The following TMEFF2 variants were observed in gnomAD, a reference collection of about 807,000 sequenced individuals.
The protein encoded by TMEFF2 is transmembrane protein with EGF like and two follistatin like domains 2.
A neutral mutation model predicts 53.8 loss-of-function variants in TMEFF2; 28 were observed. That is an observed-to-expected ratio of 0.52 (90% CI 0.39 to 0.71). The LOEUF is 0.71. Among genes scored for constraint, TMEFF2 ranks in the 30% least tolerant of loss-of-function variants. The pLI is 0.00. For synonymous variants in TMEFF2, 162 were observed against 166.3 expected, an observed-to-expected ratio of 0.97 and a Z score of 0.20; for missense variants, 353 against 455.2, an observed-to-expected ratio of 0.78 and a Z score of 2.04.
intron 4 of TMEFF2, among the ~76,000 whole-genome samples, chr2:192,060,983 T>C (rs562662422): frequency 1.3e-4 from 20 of 152,280 alleles, no homozygotes; most frequent in African/African-American, 4.6e-4. Context: ...TTTAATCATT[T>C]TAGGGAGGTT....
chr2:192,092,241 C>A (rs1053966555), intron 4 of TMEFF2, among the ~76,000 whole-genome samples: 30 of 152,106 alleles, frequency 2.0e-4, no homozygotes, highest in Non-Finnish European at 3.5e-4. Flanking sequence ...TTTTATATTG[C>A]TACTCAGAAA....
At chr2:192,072,770 T>C (rs1218552467) in intron 4 of TMEFF2, among the ~76,000 whole-genome samples, 1 of 151,960 alleles carries the variant, frequency 6.6e-6, no homozygotes, top group African/African-American at 2.4e-5. Flanking sequence ...GCACTGGTAT[T>C]GACAGCATTT....
At chr2:192,006,092 A>G (rs890313481) in intron 5 of TMEFF2, among the ~76,000 whole-genome samples, 6 of 147,250 alleles carry the variant, frequency 4.1e-5, no homozygotes, top group Non-Finnish European at 6.0e-5. Flanking sequence ...ATAGTGGGCA[A>G]TCCTTTTAGT....
intron 5 of TMEFF2, among the ~76,000 whole-genome samples, chr2:192,034,436 G>A (rs987954695): frequency 3.3e-5 from 5 of 151,956 alleles, no homozygotes; most frequent in African/African-American, 1.2e-4. Flanking sequence ...AAAAAATCAC[G>A]AATATGTTGC....
chr2:191,980,490 A>C (rs537372768), intron 7 of TMEFF2, among the ~76,000 whole-genome samples: 1 of 152,298 alleles, frequency 6.6e-6, no homozygotes, highest in Non-Finnish European at 1.5e-5. Context: ...GAAAAACATG[A>C]AGCAAGAAGA....
intron 5 of TMEFF2, among the ~76,000 whole-genome samples, chr2:192,011,947 C>T (rs1020421442): frequency 4.6e-5 from 7 of 151,996 alleles, no homozygotes; most frequent in South Asian, 4.1e-4. Flanking sequence ...AGTGCAGTGG[C>T]GCAGTCTCCG....
chr2:192,002,500 T>C (rs115513682), intron 5 of TMEFF2, among the ~76,000 whole-genome samples: 6,427 of 151,608 alleles, frequency 0.042, 341 homozygotes, highest in African/African-American at 0.12. Context: ...TGTGAATAAG[T>C]GGAAGAAACT....
intron 4 of TMEFF2, among the ~76,000 whole-genome samples, chr2:192,157,782 T>TA (rs752781043): frequency 1.6e-3 from 250 of 152,164 alleles, no homozygotes; most frequent in Non-Finnish European, 2.8e-3. Flanking sequence ...TTTTAAGTGT[T>TA]AAAAAATCTT....
At chr2:192,072,706 C>T (rs2105917137) in intron 4 of TMEFF2, among the ~76,000 whole-genome samples, 1 of 151,932 alleles carries the variant, frequency 6.6e-6, no homozygotes, top group Non-Finnish European at 1.5e-5. Flanking sequence ...TACTCAAATG[C>T]TTTCTCTTTG....
At chr2:192,193,859 C>G (rs1233649298) in intron 1 of TMEFF2, among the ~76,000 whole-genome samples, 1 of 151,452 alleles carries the variant, frequency 6.6e-6, no homozygotes. Context: ...TGGTCTTCAA[C>G]GGGAGACCAG....
rs1199022371 is a variant in TMEFF2 at position 191,999,046 on chromosome 2, G to T, written c.685+14C>A. 2.5e-6 allele frequency: 4 copies of T among 1,582,292 alleles called. No individual in the cohort carries two copies. The Admixed American group carries it at 5.3e-5, about 21-fold the overall frequency. On this transcript the variant is annotated intron_variant, in intron 6 of 9. Coordinates refer to ENST00000272771, the MANE Select transcript of TMEFF2 (RefSeq NM_016192.4). ...AAAATCATTCTTTGAAATGAATTTT[G>T]GTATGAACATTACCTTGACATCGAC...
At chr2:192,167,425 G>A (rs959558771) in intron 4 of TMEFF2, among the ~76,000 whole-genome samples, 25 of 152,238 alleles carry the variant, frequency 1.6e-4, no homozygotes, top group African/African-American at 5.8e-4. Flanking sequence ...TTAAGAGAAT[G>A]TATAAAACTA....
intron 5 of TMEFF2, among the ~76,000 whole-genome samples, chr2:192,017,648 G>A (rs1237502950): frequency 6.6e-6 from 1 of 152,066 alleles, no homozygotes; most frequent in Non-Finnish European, 1.5e-5. Flanking sequence ...ATAGGTTGGT[G>A]TTCTTTAAAG....
chr2:192,142,585 A>C lies in TMEFF2; in HGVS notation c.439+37083T>G, dbSNP rs1435203449. ...GAATTATGGACTGGAATTATGAATT[A>C]TGGAAGGCTGGAATTATGTAAAATT... On this transcript the variant is annotated intron_variant, in intron 4 of 9. Transcript: ENST00000272771. 2.0e-5 allele frequency among the ~76,000 whole-genome samples: 3 copies of C among 152,180 alleles called. No individual in the cohort carries two copies. In the East Asian group the frequency reaches 5.8e-4, roughly 29 times the overall value.
At chr2:192,086,288 T>A (rs1473991635) in intron 4 of TMEFF2, among the ~76,000 whole-genome samples, 1 of 152,158 alleles carries the variant, frequency 6.6e-6, no homozygotes, top group East Asian at 1.9e-4. Flanking sequence ...AAAAGCACAT[T>A]TCAAGGTTTG....
At chr2:192,085,714 A>G (rs1688655299) in intron 4 of TMEFF2, among the ~76,000 whole-genome samples, 1 of 151,970 alleles carries the variant, frequency 6.6e-6, no homozygotes, top group Non-Finnish European at 1.5e-5. Flanking sequence ...AGCAGGAAAA[A>G]AAAAAAAACC....
At chr2:192,139,879 T>A (rs994679238) in intron 4 of TMEFF2, among the ~76,000 whole-genome samples, 2 of 152,180 alleles carry the variant, frequency 1.3e-5, no homozygotes, top group East Asian at 3.9e-4. Flanking sequence ...GGATTCTAAT[T>A]GTAAATCTGT....
chr2:192,141,477 AAAG>A (rs1211049036), intron 4 of TMEFF2, among the ~76,000 whole-genome samples: 23 of 151,930 alleles, frequency 1.5e-4, no homozygotes, highest in Non-Finnish European at 3.2e-4. Context: ...AAAAAAAAAA[AAAG>A]AAGTGTAGAA....
chr2:192,114,064 T>TTGTG (rs34553641), intron 4 of TMEFF2, among the ~76,000 whole-genome samples: 4,283 of 143,116 alleles, frequency 0.03, 84 homozygotes, highest in Non-Finnish European at 0.041. Flanking sequence ...AATCTGGAAA[T>TTGTG]TGTGTGTGTG....
Sources: allele counts gnomAD v4.1 joint callset (sites outside exome capture counted in the v4.1 genomes callset), GRCh38; gene constraint gnomAD v4.1.1; transcripts MANE v1.5; gene names NCBI Gene and HGNC (gene_info 2026-07-23, HGNC 2026-07-21).